Variants in ASAP2 observed in about 807,000 individuals in gnomAD.
The protein encoded by ASAP2 is arf-GAP with SH3 domain, ANK repeat and PH domain-containing protein 2.
A neutral mutation model predicts 131.4 loss-of-function variants in ASAP2; 45 were observed. That is an observed-to-expected ratio of 0.34 (90% CI 0.27 to 0.44). The LOEUF is 0.44. Ranked by LOEUF, ASAP2 falls within the 20% of genes least tolerant of loss-of-function variation. ASAP2 has a pLI of 1.00. For missense variants in ASAP2, 1,011 were observed against 1,297.0 expected (o/e 0.78, Z 3.39); for synonymous variants, 510 against 503.0 (o/e 1.01, Z -0.19).
chr2:9,315,609 C>T (rs529871237), intron 3 of ASAP2, among the ~76,000 whole-genome samples: 7 of 152,088 alleles, frequency 4.6e-5, no homozygotes, highest in Admixed American at 1.3e-4. Flanking sequence ...GCCCTGGAGG[C>T]GGGAACTGTG....
At position 9,402,014 on chromosome 2, in the gene ASAP2, C is replaced by T. The variant is rs117172598; in HGVS notation, c.2946+618C>T. Among the ~76,000 whole-genome samples, 10 of 152,272 alleles carry T rather than the reference C, an allele frequency of 6.6e-5. No homozygotes were observed. In the East Asian group the frequency reaches 1.7e-3, roughly 26 times the overall value. On this transcript the variant is annotated intron_variant, in intron 27 of 27. Transcript: ENST00000281419. The stretch of plus-strand genomic sequence containing the variant: ...CAGACAGTGAGGGCGGTGGATGAAC[C>T]GGCTTGAATGGGGCGTGGACAGAAA...
intron 7 of ASAP2, 79 bp from the exon 8 acceptor site, chr2:9,334,659 A>G: frequency 7.5e-7 from 1 of 1,337,154 alleles, no homozygotes; most frequent in Non-Finnish European, 1.1e-6. Context: ...CAGTCACTTT[A>G]AAGAAGTTTT....
intron 1 of ASAP2, among the ~76,000 whole-genome samples, chr2:9,251,876 C>T (rs1664733539): frequency 1.3e-5 from 2 of 150,838 alleles, no homozygotes; most frequent in Non-Finnish European, 2.9e-5. Context: ...CCTGAGGCCA[C>T]TGACAGGGAG....
intron 3 of ASAP2, among the ~76,000 whole-genome samples, chr2:9,299,580 T>C (rs1278244208): frequency 6.6e-6 from 1 of 152,070 alleles, no homozygotes; most frequent in East Asian, 1.9e-4. Flanking sequence ...AAGCAAGCAG[T>C]GGAAGGGAAT....
At chr2:9,299,626 G>A (rs1668359068) in intron 3 of ASAP2, among the ~76,000 whole-genome samples, 1 of 152,186 alleles carries the variant, frequency 6.6e-6, no homozygotes, top group Non-Finnish European at 1.5e-5. Flanking sequence ...GTCCCAGCGG[G>A]GCTGCCAAGC....
chr2:9,220,417 C>G (rs1248724240), intron 1 of ASAP2, among the ~76,000 whole-genome samples: 1 of 152,184 alleles, frequency 6.6e-6, no homozygotes, highest in Non-Finnish European at 1.5e-5. Flanking sequence ...TTACACCCAT[C>G]TTAGTGGGTG....
chr2:9,255,106 T>G (rs535969967), intron 1 of ASAP2, among the ~76,000 whole-genome samples: 1 of 152,358 alleles, frequency 6.6e-6, no homozygotes, highest in Non-Finnish European at 1.5e-5. Context: ...TATCAGCCAT[T>G]TTACTGGGTG....
At chr2:9,354,818 G>A (rs1458323904) in intron 12 of ASAP2, among the ~76,000 whole-genome samples, 2 of 152,120 alleles carry the variant, frequency 1.3e-5, no homozygotes, top group Admixed American at 6.5e-5. Context: ...AAGAACCAAC[G>A]TGCTTTCAGG....
intron 3 of ASAP2, among the ~76,000 whole-genome samples, chr2:9,312,326 A>T (rs555356042): frequency 5.9e-5 from 9 of 152,304 alleles, no homozygotes; most frequent in African/African-American, 2.2e-4. Context: ...TGAAACCAGA[A>T]TCCCCCTCAT....
intron 15 of ASAP2, among the ~76,000 whole-genome samples, chr2:9,361,429 T>G (rs1193026256): frequency 2.0e-5 from 3 of 152,210 alleles, no homozygotes; most frequent in African/African-American, 7.2e-5. Context: ...GCTCTAAACC[T>G]TATTCCTTAG....
At chr2:9,255,249 C>CA (rs1444676662) in intron 1 of ASAP2, among the ~76,000 whole-genome samples, 1 of 152,170 alleles carries the variant, frequency 6.6e-6, no homozygotes, top group Non-Finnish European at 1.5e-5. Flanking sequence ...TCAGATCATA[C>CA]AATGCATCAT....
chr2:9,317,882 CACAT>C (rs749323389), intron 3 of ASAP2, among the ~76,000 whole-genome samples: 12 of 152,162 alleles, frequency 7.9e-5, no homozygotes, highest in Non-Finnish European at 1.2e-4. Flanking sequence ...CACATTCACT[CACAT>C]ACACCCTCAT....
At chr2:9,346,621 G>C (rs538933873) in intron 11 of ASAP2, among the ~76,000 whole-genome samples, 1 of 152,120 alleles carries the variant, frequency 6.6e-6, no homozygotes, top group Non-Finnish European at 1.5e-5. Context: ...GTTTGCTTTC[G>C]AATTGGTGTC....
chr2:9,401,904 A>T (rs1676714532), intron 27 of ASAP2, among the ~76,000 whole-genome samples: 1 of 152,230 alleles, frequency 6.6e-6, no homozygotes, highest in Admixed American at 6.5e-5. Flanking sequence ...ATCTTTAAGC[A>T]TTAGTGGGAT....
intron 2 of ASAP2, among the ~76,000 whole-genome samples, chr2:9,296,634 G>A (rs974561140): frequency 2.6e-5 from 4 of 152,248 alleles, no homozygotes; most frequent in South Asian, 2.1e-4. Flanking sequence ...AAGCACATCC[G>A]ATGTATGGGG....
intron 2 of ASAP2, among the ~76,000 whole-genome samples, chr2:9,283,321 A>G (rs1379028772): frequency 1.3e-5 from 2 of 152,216 alleles, no homozygotes; most frequent in African/African-American, 4.8e-5. Flanking sequence ...CAAGTGATCC[A>G]CCAGCCTCGG....
chr2:9,308,598 T>C (rs1160058826), intron 3 of ASAP2, among the ~76,000 whole-genome samples: 3 of 152,194 alleles, frequency 2.0e-5, no homozygotes, highest in Non-Finnish European at 2.9e-5. Context: ...TGGCAGCATG[T>C]GCCCAGCCTC....
intron 7 of ASAP2, among the ~76,000 whole-genome samples, chr2:9,331,199 A>T (rs551286361): frequency 6.6e-6 from 1 of 152,246 alleles, no homozygotes; most frequent in Non-Finnish European, 1.5e-5. Context: ...TGAAGAGGCC[A>T]CTGTGTAAAC....
At chr2:9,379,692 G>A (rs1467124890) in intron 19 of ASAP2, among the ~76,000 whole-genome samples, 3 of 152,142 alleles carry the variant, frequency 2.0e-5, no homozygotes, top group Non-Finnish European at 2.9e-5. Flanking sequence ...CCTGAGAGCC[G>A]TGCTTATCAT....
Sources: allele counts gnomAD v4.1 joint callset (sites outside exome capture counted in the v4.1 genomes callset), GRCh38; gene constraint gnomAD v4.1.1; transcripts MANE v1.5; gene names NCBI Gene and HGNC (gene_info 2026-07-23, HGNC 2026-07-21).